MAP2: variants seen among roughly 807,000 people sequenced by gnomAD.
MAP2 encodes microtubule-associated protein 2.
Under a neutral mutation model 137.6 loss-of-function variants are expected in MAP2, and 14 were observed. The observed-to-expected ratio is 0.10, with a 90% CI of 0.07 to 0.16. MAP2 has a LOEUF of 0.16. Ranked by LOEUF, MAP2 falls within the 10% of genes least tolerant of loss-of-function variation. The pLI is 1.00. For missense variants in MAP2, 2,088 were observed against 2,191.5 expected (o/e 0.95, Z 0.94); for synonymous variants, 786 against 782.3 (o/e 1.00, Z -0.08).
rs1393214858 is a variant in MAP2, at chr2:209,575,570, CTTACAA to C, written c.-171-4465_-171-4460del. Among the ~76,000 whole-genome samples, 3 of 147,778 alleles carry C rather than the reference CTTACAA, an allele frequency of 2.0e-5. No homozygotes were observed. The East Asian group carries it at 5.9e-4, about 29-fold the overall frequency. The stretch of plus-strand genomic sequence containing the variant: ...TACATATATATGTGGCAAGGAGTCG[CTTACAA>C]ATAAAAGGCAATATTTTTAAGAAAG... On this transcript the variant is annotated intron_variant, in intron 2 of 15. Coordinates refer to ENST00000682079, the MANE Select transcript of MAP2 (RefSeq NM_001375505.1).
intron 1 of MAP2, among the ~76,000 whole-genome samples, chr2:209,464,290 A>G (rs1170967276): frequency 6.6e-6 from 1 of 152,158 alleles, no homozygotes; most frequent in Non-Finnish European, 1.5e-5. Flanking sequence ...AGGTACTTCG[A>G]TTGAAAATAA....
intron 2 of MAP2, among the ~76,000 whole-genome samples, chr2:209,516,377 G>C (rs1431741699): frequency 6.6e-6 from 1 of 152,040 alleles, no homozygotes; most frequent in Non-Finnish European, 1.5e-5. Context: ...TTCTATTAGT[G>C]TTCTGTCAGA....
chr2:209,589,867 G>T (rs900139936), intron 3 of MAP2, among the ~76,000 whole-genome samples: 7 of 152,130 alleles, frequency 4.6e-5, no homozygotes, highest in Non-Finnish European at 7.4e-5. Flanking sequence ...TAAAACATAG[G>T]CATTGTGATT....
intron 1 of MAP2, among the ~76,000 whole-genome samples, chr2:209,451,121 C>G (rs2149481857): frequency 6.6e-6 from 1 of 152,194 alleles, no homozygotes; most frequent in East Asian, 1.9e-4. Context: ...AGTTATTTAT[C>G]CTCTGATACT....
At chr2:209,544,373 T>C (rs2067631163) in intron 2 of MAP2, among the ~76,000 whole-genome samples, 1 of 152,172 alleles carries the variant, frequency 6.6e-6, no homozygotes, top group South Asian at 2.1e-4. Context: ...GGAGAAATCT[T>C]TTTGCAGTGG....
At chr2:209,492,744 C>T (rs2059276369) in intron 1 of MAP2, among the ~76,000 whole-genome samples, 1 of 152,090 alleles carries the variant, frequency 6.6e-6, no homozygotes, top group Admixed American at 6.6e-5. Flanking sequence ...ATGTGAAGGA[C>T]CTCTTCAAGG....
chr2:209,696,931 G>T lies in MAP2; in HGVS notation c.4402G>T (p.Ala1468Ser), dbSNP rs759447374. ...CTTATTCATAGCAGTTTATAAGAAG[G>T]CTGAACTTGCTAAAAAAACAGAAGT... The part of the protein sequence containing the change: ...VRRKKAVYKK[A>S]ELAKKTEVQA... The change falls in exon 10 of 16, where the codon GCT (alanine) becomes TCT (serine). Residue 1468 changes from alanine to serine, a missense_variant. Physicochemically the swap from Ala to Ser is moderately conservative, Grantham distance 99. Coordinates refer to ENST00000682079, the MANE Select transcript of MAP2 (RefSeq NM_001375505.1). 138 of 1,603,956 alleles carry T rather than the reference G, an allele frequency of 8.6e-5. No individual in the cohort carries two copies. The highest frequency in any genetic ancestry group is 1.1e-4 in the Non-Finnish European group (131 of 1,177,544).
intron 4 of MAP2, among the ~76,000 whole-genome samples, chr2:209,631,194 C>A (rs1469570663): frequency 2.6e-5 from 4 of 151,900 alleles, no homozygotes; most frequent in African/African-American, 9.7e-5. Flanking sequence ...TTATAAGATG[C>A]ATTCATCTGT....
intron 2 of MAP2, among the ~76,000 whole-genome samples, chr2:209,561,126 A>T (rs1172995984): frequency 6.6e-6 from 1 of 152,214 alleles, no homozygotes; most frequent in Admixed American, 6.5e-5. Flanking sequence ...ATGATTTTAC[A>T]CGTCCTCTTT....
At chr2:209,454,144 T>C in intron 1 of MAP2, among the ~76,000 whole-genome samples, 1 of 71,294 alleles carries the variant, frequency 1.4e-5, no homozygotes, top group Admixed American at 2.1e-4. Context: ...AGCGAGACTC[T>C]GTCTCAAAAA....
At chr2:209,650,377 T>C (rs1331081808) in intron 4 of MAP2, among the ~76,000 whole-genome samples, 1 of 152,222 alleles carries the variant, frequency 6.6e-6, no homozygotes, top group Non-Finnish European at 1.5e-5. Context: ...AGAAGGCTCA[T>C]AGTGTTCCTA....
At chr2:209,546,578 T>C (rs2068115646) in intron 2 of MAP2, among the ~76,000 whole-genome samples, 1 of 152,178 alleles carries the variant, frequency 6.6e-6, no homozygotes, top group African/African-American at 2.4e-5. Flanking sequence ...TATAAGCTAG[T>C]GCATATCAAA....
In MAP2 at chr2:209,653,134, T is replaced by G. The variant is rs752641984; in HGVS notation, c.-29-8T>G. 5.8e-6 allele frequency: 9 copies of G among 1,540,074 alleles called. No individual in the cohort carries two copies. The highest frequency in any genetic ancestry group is 2.1e-5 in the Admixed American group (1 of 47,780). On this transcript the variant is annotated splice_polypyrimidine_tract_variant and splice_region_variant and intron_variant, in intron 4 of 15. Coordinates refer to ENST00000682079, the MANE Select transcript of MAP2 (RefSeq NM_001375505.1). ...CCAAAGTAATAGCTACTATTTTTTC[T>G]CTTTCAGTTGCAGGAGAAATAACAA...
At chr2:209,589,046 A>G (rs1244665431) in intron 3 of MAP2, among the ~76,000 whole-genome samples, 1 of 152,094 alleles carries the variant, frequency 6.6e-6, no homozygotes, top group Non-Finnish European at 1.5e-5. Context: ...CAATGTTTGC[A>G]TGCTTAATGG....
chr2:209,660,074 G>C (rs2042716078), intron 5 of MAP2, among the ~76,000 whole-genome samples: 1 of 151,872 alleles, frequency 6.6e-6, no homozygotes, highest in Non-Finnish European at 1.5e-5. Flanking sequence ...AAGTGCCTAC[G>C]TGACGATCAA....
intron 5 of MAP2, among the ~76,000 whole-genome samples, chr2:209,665,982 A>G (rs2046137692): frequency 6.6e-6 from 1 of 152,182 alleles, no homozygotes; most frequent in Non-Finnish European, 1.5e-5. Flanking sequence ...AATAATAATT[A>G]TTGACTTACT....
At chr2:209,442,985 A>G (rs924135532) in intron 1 of MAP2, among the ~76,000 whole-genome samples, 5 of 151,588 alleles carry the variant, frequency 3.3e-5, no homozygotes, top group South Asian at 2.1e-4. Flanking sequence ...TAAATTCGCT[A>G]TTTATATGAG....
chr2:209,552,514 A>G (rs1267227615), intron 2 of MAP2, among the ~76,000 whole-genome samples: 1 of 152,192 alleles, frequency 6.6e-6, no homozygotes, highest in Non-Finnish European at 1.5e-5. Flanking sequence ...ATCATCTCCC[A>G]TATAGTCTCT....
At chr2:209,676,051 A>C (rs2051249353) in intron 5 of MAP2, among the ~76,000 whole-genome samples, 1 of 151,936 alleles carries the variant, frequency 6.6e-6, no homozygotes, top group Non-Finnish European at 1.5e-5. Flanking sequence ...TCTGTTAAGC[A>C]TCCAATCTGA....
Sources: gnomAD v4.1 joint callset for allele counts (sites outside exome capture counted in the v4.1 genomes callset) on GRCh38, gnomAD v4.1.1 for gene constraint, MANE v1.5 for transcripts, NCBI Gene and HGNC (gene_info 2026-07-23, HGNC 2026-07-21) for gene names.